NAA15: variants seen among roughly 807,000 people sequenced by gnomAD.
The protein encoded by NAA15 is N-alpha-acetyltransferase 15, NatA auxiliary subunit, also known as N-terminal acetyltransferase.
NAA15 carries 34 observed loss-of-function variants against 114.0 expected under a neutral mutation model. The observed-to-expected ratio is 0.30, with a 90% CI of 0.23 to 0.40. The LOEUF (loss-of-function observed/expected upper bound fraction) is 0.40. Ranked by LOEUF, NAA15 falls within the 10% of genes least tolerant of loss-of-function variation. The pLI is 1.00. For missense variants in NAA15, 658 were observed against 1,004.5 expected (o/e 0.66, Z 4.66); for synonymous variants, 340 against 338.0 (o/e 1.01, Z -0.06).
rs150860960 is a variant in NAA15, at chr4:139,350,658, G to A, written c.812-533G>A. Among the ~76,000 whole-genome samples the A allele has an allele frequency of 4.6e-5, 7 of 152,298 alleles. No individual in the cohort carries two copies. The East Asian group carries it at 1.3e-3, about 29-fold the overall frequency. On this transcript the variant is annotated intron_variant, in intron 7 of 19. Coordinates refer to ENST00000296543, the MANE Select transcript of NAA15 (RefSeq NM_057175.5). ...AACAAAGATTCTCAGACTGATTTAG[G>A]AACACCAGCAAGGAATGGTAATCAC...
intron 2 of NAA15, among the ~76,000 whole-genome samples, chr4:139,334,552 GTA>G (rs1747134390): frequency 6.6e-6 from 1 of 152,176 alleles, no homozygotes; most frequent in African/African-American, 2.4e-5. Flanking sequence ...TGTATAAATT[GTA>G]TGCTTTATAA....
chr4:139,361,001 T>G (rs1018864582), intron 13 of NAA15, among the ~76,000 whole-genome samples: 5 of 152,180 alleles, frequency 3.3e-5, no homozygotes, highest in Admixed American at 6.5e-5. Context: ...TGGTAAGATA[T>G]AAATGTTGGA....
chr4:139,319,162 C>T (rs981366007), intron 1 of NAA15, among the ~76,000 whole-genome samples: 10 of 152,082 alleles, frequency 6.6e-5, no homozygotes, highest in Non-Finnish European at 8.8e-5. Flanking sequence ...GGCATGGTGG[C>T]GCATGCCTGT....
intron 14 of NAA15, among the ~76,000 whole-genome samples, chr4:139,363,413 A>G (rs1267643925): frequency 6.6e-6 from 1 of 152,170 alleles, no homozygotes; most frequent in Non-Finnish European, 1.5e-5. Context: ...ATGTGTACAT[A>G]TACACATGCA....
chr4:139,358,286 G>A (rs952714147), intron 11 of NAA15, among the ~76,000 whole-genome samples: 2 of 151,040 alleles, frequency 1.3e-5, no homozygotes, highest in African/African-American at 2.4e-5. Flanking sequence ...TCTGCCTTCC[G>A]GGTTGAAGCA....
At chr4:139,332,774 G>A (rs1256980397) in intron 1 of NAA15, among the ~76,000 whole-genome samples, 1 of 151,622 alleles carries the variant, frequency 6.6e-6, no homozygotes, top group African/African-American at 2.4e-5. Context: ...TGGAGACAGG[G>A]TTTCACCATG....
chr4:139,370,673 G>T (rs1337379609), intron 15 of NAA15, among the ~76,000 whole-genome samples: 1 of 152,164 alleles, frequency 6.6e-6, no homozygotes, highest in East Asian at 1.9e-4. Flanking sequence ...TCTGGGTCCA[G>T]ATATTAGCTC....
At chr4:139,359,536 C>G (rs1748069024) in intron 11 of NAA15, among the ~76,000 whole-genome samples, 1 of 152,162 alleles carries the variant, frequency 6.6e-6, no homozygotes, top group South Asian at 2.1e-4. Context: ...TCTTTACTGT[C>G]AGACAGCTTA....
intron 1 of NAA15, among the ~76,000 whole-genome samples, chr4:139,332,820 G>A (rs1461807566): frequency 6.6e-6 from 1 of 151,978 alleles, no homozygotes; most frequent in Non-Finnish European, 1.5e-5. Context: ...GACCTCAGAT[G>A]ATCCACCCAC....
intron 1 of NAA15, among the ~76,000 whole-genome samples, chr4:139,325,096 C>G (rs748123861): frequency 2.0e-5 from 3 of 146,830 alleles, no homozygotes; most frequent in Admixed American, 6.7e-5. Flanking sequence ...GTAATGTAAA[C>G]ATATCTCATT....
rs552377316 is a variant in NAA15, at chr4:139,304,424, C to T, written c.54+2593C>T. ...TTACTTGTACACGCGTGTGAGTGCT[C>T]GCGCACGCGGGTGCAGTCATCCCTT... On this transcript the variant is annotated intron_variant, in intron 1 of 19. Transcript: ENST00000296543. 2.6e-5 allele frequency among the ~76,000 whole-genome samples: 4 copies of T among 152,304 alleles called. No individual in the cohort carries two copies. In the East Asian group the frequency reaches 7.7e-4, roughly 29 times the overall value.
At chr4:139,373,675 C>T (rs1748502859) in intron 15 of NAA15, among the ~76,000 whole-genome samples, 1 of 151,454 alleles carries the variant, frequency 6.6e-6, no homozygotes, top group African/African-American at 2.4e-5. Context: ...CTTGCCTTCA[C>T]TCAGCATTTT....
intron 1 of NAA15, among the ~76,000 whole-genome samples, chr4:139,312,633 C>A (rs149623038): frequency 6.6e-6 from 1 of 151,638 alleles, no homozygotes; most frequent in East Asian, 1.9e-4. Flanking sequence ...CTCTTGAAGT[C>A]GGGAGTTTGA....
intron 13 of NAA15, among the ~76,000 whole-genome samples, chr4:139,361,475 A>G (rs1748129555): frequency 6.6e-6 from 1 of 152,210 alleles, no homozygotes; most frequent in Non-Finnish European, 1.5e-5. Flanking sequence ...ATGAATAAAC[A>G]TTTTTAAAGC....
chr4:139,355,410 T>C (rs1426617654), intron 10 of NAA15, among the ~76,000 whole-genome samples: 1 of 152,148 alleles, frequency 6.6e-6, no homozygotes, highest in Non-Finnish European at 1.5e-5. Flanking sequence ...TTTTTTATTT[T>C]TTTTTTCAGT....
rs555376762 is a variant in NAA15 at position 139,309,791 on chromosome 4, C to G, written c.54+7960C>G. Among the ~76,000 whole-genome samples, 4 of 152,234 alleles carry G rather than the reference C, an allele frequency of 2.6e-5. No individual in the cohort carries two copies. In the South Asian group the frequency reaches 8.3e-4, roughly 32 times the overall value. ...TGCAGAGTGACCACAGTTCAGTTTTCAATAGTAGTAGATGGACAACACTAT... is the reference window on the plus strand; with the variant it reads ...TGCAGAGTGACCACAGTTCAGTTTTGAATAGTAGTAGATGGACAACACTAT... On this transcript the variant is annotated intron_variant, in intron 1 of 19. Coordinates refer to ENST00000296543, the MANE Select transcript of NAA15 (RefSeq NM_057175.5).
At chr4:139,365,678 C>CA (rs951055610) in intron 14 of NAA15, among the ~76,000 whole-genome samples, 17 of 151,228 alleles carry the variant, frequency 1.1e-4, no homozygotes, top group Admixed American at 8.6e-4. Flanking sequence ...TCTACAAATA[C>CA]AAAAAAAACC....
chr4:139,372,068 A>G (rs997442564), intron 15 of NAA15, among the ~76,000 whole-genome samples: 1 of 152,096 alleles, frequency 6.6e-6, no homozygotes, highest in African/African-American at 2.4e-5. Context: ...GGCGCCCGCC[A>G]CCATGCCCGG....
Position 139,384,849 on chromosome 4 carries a change from G to A in NAA15, c.2173G>A (p.Asp725Asn). 1 of 1,462,492 alleles carries A rather than the reference G, an allele frequency of 6.8e-7. No individual in the cohort carries two copies. Among genetic ancestry groups the A allele is most frequent in the Non-Finnish European group, 9.2e-7 (1 of 1,092,738 alleles). The allele number at this position is 1,462,492 out of a possible 1,614,324, so 90.6% of individuals were successfully genotyped here. Residue 725 changes from aspartate to asparagine, a missense_variant, in exon 18 of 20, where the codon GAT (aspartate) becomes AAT (asparagine). Physicochemically the swap from Asp to Asn is conservative, Grantham distance 23. Coordinates refer to ENST00000296543, the MANE Select transcript of NAA15 (RefSeq NM_057175.5). ...LFNTAVCESK[D>N]LSDTVRTVLK... ...TTATTCAGCAGTGTGTGAAAGTAAA[G>A]ATTTATCTGATACAGTTAGAACAGT...
Sources: allele counts gnomAD v4.1 joint callset (sites outside exome capture counted in the v4.1 genomes callset), GRCh38; gene constraint gnomAD v4.1.1; transcripts MANE v1.5; gene names NCBI Gene and HGNC (gene_info 2026-07-23, HGNC 2026-07-21).